PAPPA: variants seen among roughly 807,000 people sequenced by gnomAD.
PAPPA encodes the protein pappalysin 1, also known as pappalysin-1.
PAPPA carries 60 observed loss-of-function variants against 164.0 expected under a neutral mutation model. That is an observed-to-expected ratio of 0.37 (90% confidence interval 0.30 to 0.45). The LOEUF (loss-of-function observed/expected upper bound fraction) is 0.45, where lower values mean the gene tolerates loss of function less well. PAPPA is among the 20% of genes least tolerant of loss of function. The pLI is 1.00. For missense variants in PAPPA, 1,782 were observed against 2,087.3 expected, an observed-to-expected ratio of 0.85 and a Z score of 2.85; for synonymous variants, 875 against 814.1, an observed-to-expected ratio of 1.07 and a Z score of -1.27.
At chr9:116,214,307 G>A (rs192870517) in intron 4 of PAPPA, among the ~76,000 whole-genome samples, 101 of 152,164 alleles carry the variant, frequency 6.6e-4, no homozygotes, top group East Asian at 3.9e-4. Flanking sequence ...GTGACATGCC[G>A]GACACTGTAT....
At chr9:116,215,405 G>A (rs183494132) in intron 4 of PAPPA, among the ~76,000 whole-genome samples, 3 of 152,266 alleles carry the variant, frequency 2.0e-5, no homozygotes, top group Admixed American at 6.5e-5. Flanking sequence ...GGAATACTAT[G>A]CATCCACAAA....
At chr9:116,353,568 T>G in intron 16 of PAPPA, 54 bp from the exon 17 acceptor site, 1 of 1,520,090 alleles carries the variant, frequency 6.6e-7, no homozygotes, top group Non-Finnish European at 9.0e-7. Flanking sequence ...ATGCAGGGCA[T>G]GGATCTAGCC....
intron 2 of PAPPA, among the ~76,000 whole-genome samples, chr9:116,197,306 A>G (rs1189244779): frequency 6.6e-6 from 1 of 152,202 alleles, no homozygotes; most frequent in Non-Finnish European, 1.5e-5. Flanking sequence ...TGGAGACGCC[A>G]AGGGATATAA....
chr9:116,197,184 T>C (rs1053955591), intron 2 of PAPPA, among the ~76,000 whole-genome samples: 1 of 152,226 alleles, frequency 6.6e-6, no homozygotes, highest in African/African-American at 2.4e-5. Flanking sequence ...CATGCACACA[T>C]ATTCTCAAAT....
intron 9 of PAPPA, among the ~76,000 whole-genome samples, chr9:116,283,910 G>A (rs918435647): frequency 3.3e-5 from 5 of 152,120 alleles, no homozygotes; most frequent in Admixed American, 2.0e-4. Context: ...GACCAGCCCC[G>A]AAGCACAAGG....
In PAPPA at chr9:116,227,448, G is replaced by A. The variant is rs757211142; in HGVS notation, c.2129G>A (p.Cys710Tyr). 1 of 1,614,006 alleles carries A rather than the reference G, an allele frequency of 6.2e-7. No homozygotes were observed. The highest frequency in any genetic ancestry group is 1.1e-5 in the South Asian group (1 of 91,066). Residue 710 changes from cysteine to tyrosine, a missense_variant, in exon 6 of 22, where the codon TGT (cysteine) becomes TAT (tyrosine). Physicochemically the swap from Cys to Tyr is radical, Grantham distance 194. This residue lies in a region of PAPPA where 1,324 missense variants were observed against 1,656.9 expected (regional missense o/e 0.80). Coordinates refer to ENST00000328252, the MANE Select transcript of PAPPA (RefSeq NM_002581.5). ...CCTCCTAGAGAATTGGGATCAGCAT[G>A]TCATCTTTGCCTGGAAGGGAGAATC... ...HFFERELGSA[C>Y]HLCLEGRILV...
At chr9:116,335,897 G>C (rs1225289924) in intron 13 of PAPPA, among the ~76,000 whole-genome samples, 2 of 152,302 alleles carry the variant, frequency 1.3e-5, no homozygotes, top group African/African-American at 4.8e-5. Context: ...CCTGCAGACT[G>C]TTAGGCACTA....
At chr9:116,366,776 C>T (rs1393515091) in intron 18 of PAPPA, among the ~76,000 whole-genome samples, 1 of 152,140 alleles carries the variant, frequency 6.6e-6, no homozygotes, top group African/African-American at 2.4e-5. Context: ...GATCATGTGA[C>T]AATTCTGTCA....
intron 10 of PAPPA, among the ~76,000 whole-genome samples, chr9:116,303,689 C>A (rs573958929): frequency 5.0e-4 from 76 of 152,242 alleles, no homozygotes; most frequent in Non-Finnish European, 8.8e-4. Context: ...GGCCTAGTGG[C>A]CTTTCAGAGA....
intron 9 of PAPPA, chr9:116,287,570 G>T (rs925738343): frequency 2.0e-5 from 3 of 152,210 alleles, no homozygotes; most frequent in Admixed American, 6.5e-5. Context: ...AGTACACCTT[G>T]TCAATCATCA....
chr9:116,181,331 T>C (rs1417948978), intron 1 of PAPPA, among the ~76,000 whole-genome samples: 2 of 143,652 alleles, frequency 1.4e-5, no homozygotes, highest in African/African-American at 5.5e-5. Flanking sequence ...GACCTCTCTC[T>C]CTCTCTCTTT....
At chr9:116,303,219 C>A (rs1845602109) in intron 10 of PAPPA, among the ~76,000 whole-genome samples, 1 of 152,118 alleles carries the variant, frequency 6.6e-6, no homozygotes, top group Non-Finnish European at 1.5e-5. Flanking sequence ...CTCCATTTTG[C>A]ATATATCATG....
chr9:116,156,533 A>T (rs956567855), intron 1 of PAPPA, among the ~76,000 whole-genome samples: 1 of 151,888 alleles, frequency 6.6e-6, no homozygotes, highest in Non-Finnish European at 1.5e-5. Flanking sequence ...CTTGTATAAA[A>T]TGCCTGGTCC....
At chr9:116,316,007 T>C (rs1048932823) in intron 10 of PAPPA, among the ~76,000 whole-genome samples, 1 of 152,100 alleles carries the variant, frequency 6.6e-6, no homozygotes, top group African/African-American at 2.4e-5. Flanking sequence ...CTCACAAAGG[T>C]TAGGTCACTT....
chr9:116,169,684 C>T (rs1268840026), intron 1 of PAPPA, among the ~76,000 whole-genome samples: 1 of 151,452 alleles, frequency 6.6e-6, no homozygotes, highest in Non-Finnish European at 1.5e-5. Flanking sequence ...TGTGTCCATG[C>T]TCCTCCTGCA....
At chr9:116,343,618 T>C (rs1011670189) in intron 13 of PAPPA, among the ~76,000 whole-genome samples, 1 of 152,112 alleles carries the variant, frequency 6.6e-6, no homozygotes, top group African/African-American at 2.4e-5. Context: ...ATCACCTCAG[T>C]TGAGTCTCGT....
At chr9:116,335,659 G>A (rs1846052144) in intron 13 of PAPPA, among the ~76,000 whole-genome samples, 1 of 152,148 alleles carries the variant, frequency 6.6e-6, no homozygotes. Context: ...ATCTGTTAAT[G>A]CACCTAGTTT....
chr9:116,159,632 C>T (rs976849947), intron 1 of PAPPA, among the ~76,000 whole-genome samples: 2 of 152,178 alleles, frequency 1.3e-5, no homozygotes, highest in South Asian at 2.1e-4. Context: ...GATCTACTGT[C>T]GGCCTCTTGC....
intron 17 of PAPPA, among the ~76,000 whole-genome samples, chr9:116,359,490 C>T (rs1294962401): frequency 6.6e-6 from 1 of 152,218 alleles, no homozygotes; most frequent in Non-Finnish European, 1.5e-5. Flanking sequence ...CATACCCAGT[C>T]AGTTCCCTGA....
Sources: gnomAD v4.1 joint callset for allele counts (sites outside exome capture counted in the v4.1 genomes callset) on GRCh38, gnomAD v4.1.1 for gene constraint, gnomAD v4.1.1 regional missense constraint, MANE v1.5 for transcripts, NCBI Gene and HGNC (gene_info 2026-07-23, HGNC 2026-07-21) for gene names.